The following LNX1 variants were observed in gnomAD, a reference collection of about 807,000 sequenced individuals.
The protein encoded by LNX1 is ligand of numb-protein X 1, also known as E3 ubiquitin-protein ligase LNX.
Under a neutral mutation model 68.4 loss-of-function variants are expected in LNX1, and 54 were observed. The observed-to-expected ratio is 0.79, with a 90% confidence interval of 0.63 to 0.99. The LOEUF is 0.99. LNX1 is among the 50% of genes least tolerant of loss of function. The pLI is 0.00. For missense variants in LNX1, 906 were observed against 926.4 expected (o/e 0.98, Z 0.29); for synonymous variants, 336 against 350.0 (o/e 0.96, Z 0.45).
chr4:53,507,775 C>T (rs1036446945), intron 3 of LNX1, among the ~76,000 whole-genome samples: 1 of 152,178 alleles, frequency 6.6e-6, no homozygotes, highest in African/African-American at 2.4e-5. Flanking sequence ...GTTTCAGCCC[C>T]TTTCACCAAG....
At chr4:53,471,050 G>A (rs189345972) in intron 9 of LNX1, among the ~76,000 whole-genome samples, 8,130 of 37,756 alleles carry the variant, frequency 0.22, 1,419 homozygotes, top group Middle Eastern at 0.29. Context: ...CTAAGCCAAA[G>A]GAACAAAGCT....
At chr4:53,634,244 C>T (rs1490233295) in intron 1 of LNX1, among the ~76,000 whole-genome samples, 1 of 140,276 alleles carries the variant, frequency 7.1e-6, no homozygotes, top group African/African-American at 2.8e-5. Context: ...TTTATCTGTC[C>T]AGCTTGGCTT....
chr4:53,555,097 G>A (rs1729811515), intron 2 of LNX1, among the ~76,000 whole-genome samples: 1 of 152,096 alleles, frequency 6.6e-6, no homozygotes, highest in African/African-American at 2.4e-5. Flanking sequence ...TCGGATAAAG[G>A]GTGGAGGAAG....
At chr4:53,495,537 G>A (rs1450247805) in intron 6 of LNX1, among the ~76,000 whole-genome samples, 1 of 102,788 alleles carries the variant, frequency 9.7e-6, no homozygotes, top group African/African-American at 4.3e-5. Flanking sequence ...CCTGGAGAAT[G>A]CATGGCATAG....
rs1222614429 is a variant in LNX1, at chr4:53,606,459, AAAAC to A, written c.-215+10054_-215+10057del. Among the ~76,000 whole-genome samples, 8 of 131,892 alleles carry A rather than the reference AAAAC, an allele frequency of 6.1e-5. No homozygotes were observed. In the South Asian group the frequency reaches 1.5e-3, roughly 25 times the overall value. The allele number at this position is 131,892 out of a possible 152,430, so 86.5% of individuals were successfully genotyped here. A position where few individuals can be genotyped will look rare whatever the true frequency, so the allele number is the denominator to read the frequency against. ...GTAACAAAAAGCCTACCAACCAGAA[AAAAC>A]AAACAAACAAACAAAAAACAAACAA... On this transcript the variant is annotated intron_variant, in intron 2 of 3. Transcript: ENST00000504299.
At chr4:53,576,151 G>T (rs1731476875) in intron 1 of LNX1, 4 of 1,565,780 alleles carry the variant, frequency 2.6e-6, no homozygotes, top group Admixed American at 1.9e-5. Context: ...GCAGCAGGGG[G>T]CCTGGCTGCC....
At chr4:53,631,802 G>T (rs1037741497) in intron 1 of LNX1, among the ~76,000 whole-genome samples, 7 of 151,996 alleles carry the variant, frequency 4.6e-5, no homozygotes, top group Non-Finnish European at 7.4e-5. Flanking sequence ...TCACCCCAGG[G>T]ACATGAAAGA....
intron 2 of LNX1, among the ~76,000 whole-genome samples, chr4:53,548,319 G>T (rs1380966810): frequency 6.6e-6 from 1 of 152,028 alleles, no homozygotes; most frequent in Non-Finnish European, 1.5e-5. Context: ...CCTGAAAGTG[G>T]GCAGATTGTC....
In LNX1 at chr4:53,461,066, T is replaced by C. The variant is rs114455329; in HGVS notation, c.2052-24A>G. 1,993 of 1,539,068 alleles carry C rather than the reference T, an allele frequency of 1.3e-3. 27 individuals are homozygous for C. In the African/African-American group the frequency reaches 0.025, roughly 20 times the overall value. ...ATCTAAAAAAAAAAACAAAACAAGA[T>C]ATGATTAGTATTTTAATTCGTTGCT... On this transcript the variant is annotated intron_variant, in intron 10 of 10. Coordinates refer to ENST00000263925, the MANE Select transcript of LNX1 (RefSeq NM_001126328.3).
At chr4:53,497,313 C>A (rs750767067) in intron 5 of LNX1, among the ~76,000 whole-genome samples, 8 of 152,122 alleles carry the variant, frequency 5.3e-5, no homozygotes, top group Non-Finnish European at 2.9e-5. Context: ...GAAAGAGGCC[C>A]CATGGAGGAG....
intron 9 of LNX1, among the ~76,000 whole-genome samples, chr4:53,473,723 A>G (rs577345627): frequency 1.0e-3 from 159 of 152,280 alleles, no homozygotes; most frequent in Non-Finnish European, 1.7e-3. Flanking sequence ...GTACCTGGGT[A>G]CTGAACTCAT....
chr4:53,468,327 G>C (rs1313477226), intron 9 of LNX1, among the ~76,000 whole-genome samples: 1 of 152,142 alleles, frequency 6.6e-6, no homozygotes, highest in Non-Finnish European at 1.5e-5. Flanking sequence ...TGCCCTAAAA[G>C]AGCTCCTGGA....
At position 53,628,418 on chromosome 4, in the gene LNX1, G is replaced by A. The variant is rs112288640; in HGVS notation, c.-215+23750C>T. ...CAACATCACTAATCATCAGAGAAAT[G>A]CAAATTAAAACCATGATGAGACACC... is the stretch of plus-strand genomic sequence containing the variant. On this transcript the variant is annotated intron_variant, in intron 1 of 2. Transcript: ENST00000507168. Among the ~76,000 whole-genome samples the A allele has an allele frequency of 4.6e-3, 705 of 152,186 alleles. 4 individuals carry two copies. The highest frequency in any genetic ancestry group is 0.016 in the African/African-American group (673 of 41,512).
At chr4:53,483,340 T>C (rs1027925214) in intron 6 of LNX1, among the ~76,000 whole-genome samples, 7 of 152,226 alleles carry the variant, frequency 4.6e-5, no homozygotes, top group Non-Finnish European at 1.0e-4. Flanking sequence ...CTCGGGTATG[T>C]CTTTAATAGC....
intron 1 of LNX1, among the ~76,000 whole-genome samples, chr4:53,582,351 G>A (rs1399511798): frequency 6.6e-5 from 10 of 152,216 alleles, no homozygotes; most frequent in South Asian, 2.1e-4. Context: ...GGAATGACTC[G>A]CTTCAAAGAA....
At position 53,508,047 on chromosome 4, in the gene LNX1, C is replaced by T; in HGVS notation, c.561G>A (p.Ser187=). 3 of 1,614,050 alleles carry T rather than the reference C, an allele frequency of 1.9e-6. No homozygotes were observed. The highest frequency in any genetic ancestry group is 2.5e-6 in the Non-Finnish European group (3 of 1,179,994). Residue 187 remains serine, a synonymous_variant, in exon 3 of 11, where the codon TCG becomes TCA. Coordinates refer to ENST00000263925, the MANE Select transcript of LNX1 (RefSeq NM_001126328.3). ...TGATTGCTGGCTGCCCGTCCTCTGCCGAGGACACGTAGGCAGGGTTGTCTA... is the reference window on the plus strand; with the variant it reads ...TGATTGCTGGCTGCCCGTCCTCTGCTGAGGACACGTAGGCAGGGTTGTCTA... The part of the protein sequence containing the change: ...PGLDNPAYVS[S]AEDGQPAISP...
intron 1 of LNX1, among the ~76,000 whole-genome samples, chr4:53,574,955 G>A (rs1211270065): frequency 6.6e-6 from 1 of 151,522 alleles, no homozygotes; most frequent in African/African-American, 2.4e-5. Context: ...TGTTCTAATA[G>A]GACTCTTTTA....
At chr4:53,569,849 C>T (rs1395158586) in intron 2 of LNX1, among the ~76,000 whole-genome samples, 81 of 133,898 alleles carry the variant, frequency 6.0e-4, no homozygotes, top group Non-Finnish European at 7.9e-4. Flanking sequence ...AAAAAGTGGG[C>T]GAAGGACATG....
chr4:53,634,483 A>G (rs1322704504), intron 1 of LNX1, among the ~76,000 whole-genome samples: 5 of 152,104 alleles, frequency 3.3e-5, no homozygotes, highest in African/African-American at 4.8e-5. Context: ...AGCTCAGGCA[A>G]TCTGCCCACC....
Sources: allele counts gnomAD v4.1 joint callset (sites outside exome capture counted in the v4.1 genomes callset), GRCh38; gene constraint gnomAD v4.1.1; transcripts MANE v1.5; gene names NCBI Gene and HGNC (gene_info 2026-07-23, HGNC 2026-07-21).